Variants in PTPRC observed in about 807,000 individuals in gnomAD.
PTPRC encodes receptor-type tyrosine-protein phosphatase C.
PTPRC carries 44 observed loss-of-function variants against 155.9 expected under a neutral mutation model. That is an observed-to-expected ratio of 0.28 (90% CI 0.22 to 0.36). The LOEUF (loss-of-function observed/expected upper bound fraction) is 0.36, where lower values mean the gene tolerates loss of function less well. PTPRC is among the 10% of genes least tolerant of loss of function. The pLI, the probability that PTPRC is intolerant of heterozygous loss-of-function variation, is 1.00. For synonymous variants in PTPRC, 525 were observed against 533.1 expected (o/e 0.98, Z 0.21); for missense variants, 1,401 against 1,564.6 (o/e 0.90, Z 1.76).
At chr1:198,709,969 T>A in intron 11 of PTPRC, 145 bp downstream of exon 11, 1 of 1,131,380 alleles carries the variant, frequency 8.8e-7, no homozygotes, top group Non-Finnish European at 1.2e-6. Context: ...GAAGCGCAAT[T>A]TATCTATTTT....
intron 15 of PTPRC, among the ~76,000 whole-genome samples, chr1:198,724,945 G>T (rs1301557266): frequency 6.6e-6 from 1 of 152,068 alleles, no homozygotes; most frequent in East Asian, 1.9e-4. Context: ...GGGATTACAG[G>T]CAGGCACCAC....
Position 198,756,480 on chromosome 1 carries a change from GA to G in PTPRC, c.*302del. ...GGTGTGTGTTTGTGTGAGAGACAGA[GA>G]AAGAGAGAGAATTCTTTCAAGTGAA... On this transcript the variant is annotated 3_prime_UTR_variant, in exon 33 of 33. Transcript: ENST00000442510. 2 of 256,036 alleles carry G rather than the reference GA, an allele frequency of 7.8e-6. No homozygotes were observed. The highest frequency in any genetic ancestry group is 7.5e-6 in the Non-Finnish European group (1 of 133,628). 15.9% of individuals were successfully genotyped at this position (256,036 alleles called of 1,614,324 possible).
At chr1:198,744,715 CAG>C (rs903947803) in intron 26 of PTPRC, among the ~76,000 whole-genome samples, 1 of 151,830 alleles carries the variant, frequency 6.6e-6, no homozygotes, top group African/African-American at 2.4e-5. Flanking sequence ...ACTATAATTT[CAG>C]AGAGTTTGCA....
At position 198,728,366 on chromosome 1, in the gene PTPRC, C is replaced by T. The variant is rs1253820923; in HGVS notation, c.1747C>T (p.Leu583=). The T allele has an allele frequency of 6.2e-7, 1 of 1,612,910 alleles. No individual in the cohort carries two copies. Among genetic ancestry groups the T allele is most frequent in the Non-Finnish European group, 8.5e-7 (1 of 1,179,482 alleles). ...TAATTCTAAGGCACTGATAGCATTT[C>T]TGGCATTTCTGATTATTGTGACATC... The part of the protein sequence containing the change: ...SYNSKALIAF[L]AFLIIVTSIA... The change falls in exon 16 of 33, where the codon CTG becomes TTG. Residue 583 remains leucine (L), a synonymous_variant. Coordinates refer to ENST00000442510, the MANE Select transcript of PTPRC (RefSeq NM_002838.5).
At chr1:198,665,741 A>G (rs1030341887) in intron 2 of PTPRC, among the ~76,000 whole-genome samples, 3 of 152,188 alleles carry the variant, frequency 2.0e-5, no homozygotes, top group Non-Finnish European at 2.9e-5. Flanking sequence ...AGTATGTTCA[A>G]TGTAGTACAT....
At chr1:198,656,693 A>T (rs542498349) in intron 2 of PTPRC, among the ~76,000 whole-genome samples, 2 of 146,264 alleles carry the variant, frequency 1.4e-5, no homozygotes, top group African/African-American at 2.6e-5. Flanking sequence ...AAGTTCCCTG[A>T]GGAAGTTTAC....
At chr1:198,739,217 C>CTT (rs1276128443) in intron 23 of PTPRC, among the ~76,000 whole-genome samples, 2 of 151,604 alleles carry the variant, frequency 1.3e-5, no homozygotes, top group Admixed American at 1.3e-4. Context: ...AGGAGTAAGT[C>CTT]TTTATTTATC....
intron 2 of PTPRC, among the ~76,000 whole-genome samples, chr1:198,659,469 T>G (rs1663811025): frequency 6.6e-6 from 1 of 152,074 alleles, no homozygotes; most frequent in South Asian, 2.1e-4. Context: ...GAGGACACGA[T>G]AGTTCGGACT....
At position 198,757,055 on chromosome 1, in the gene PTPRC, CAT is replaced by C. The variant is rs532105119; in HGVS notation, c.*877_*878del. 35 of 151,738 alleles carry C rather than the reference CAT, an allele frequency of 2.3e-4. No homozygotes were observed. The highest frequency in any genetic ancestry group is 7.7e-4 in the African/African-American group (32 of 41,442). 9.4% of individuals were successfully genotyped at this position (151,738 alleles called of 1,614,324 possible). A position where few individuals can be genotyped will look rare whatever the true frequency, so the allele number is the denominator to read the frequency against. On this transcript the variant is annotated 3_prime_UTR_variant, in exon 33 of 33. Coordinates refer to ENST00000442510, the MANE Select transcript of PTPRC (RefSeq NM_002838.5). The stretch of plus-strand genomic sequence containing the variant: ...TTGTATAAAAATAGAAGAATACAAA[CAT>C]ATTTGTTAAATATTTACATATGAAA...
chr1:198,677,487 C>T (rs1295927880), intron 2 of PTPRC, among the ~76,000 whole-genome samples: 2 of 151,246 alleles, frequency 1.3e-5, no homozygotes, highest in Non-Finnish European at 2.9e-5. Flanking sequence ...CTAAAAGACT[C>T]ATCATCTTCC....
At chr1:198,687,811 TA>T (rs1665715367) in intron 2 of PTPRC, among the ~76,000 whole-genome samples, 1 of 152,196 alleles carries the variant, frequency 6.6e-6, no homozygotes, top group South Asian at 2.1e-4. Context: ...CTCTAGTGCA[TA>T]CCTTATTTCC....
intron 15 of PTPRC, among the ~76,000 whole-genome samples, chr1:198,723,090 T>G (rs1225605507): frequency 2.0e-5 from 3 of 148,604 alleles, no homozygotes; most frequent in Non-Finnish European, 3.0e-5. Flanking sequence ...TTTCTATTTT[T>G]GGGTCTCCTT....
chr1:198,650,585 A>G (rs1348915697), intron 2 of PTPRC, among the ~76,000 whole-genome samples: 1 of 151,856 alleles, frequency 6.6e-6, no homozygotes, highest in African/African-American at 2.4e-5. Context: ...TTGGGCTGTT[A>G]TTGATGTCTG....
intron 2 of PTPRC, among the ~76,000 whole-genome samples, chr1:198,654,621 C>T (rs1663444273): frequency 6.6e-6 from 1 of 151,720 alleles, no homozygotes; most frequent in Non-Finnish European, 1.5e-5. Flanking sequence ...GCCCCTCCCT[C>T]CCCTTAAATA....
At chr1:198,655,173 T>C (rs888829248) in intron 2 of PTPRC, among the ~76,000 whole-genome samples, 2 of 151,952 alleles carry the variant, frequency 1.3e-5, no homozygotes, top group African/African-American at 4.8e-5. Flanking sequence ...GTTGCCGGTT[T>C]TTTTTAATTA....
intron 2 of PTPRC, among the ~76,000 whole-genome samples, chr1:198,650,024 A>G (rs1355697012): frequency 6.6e-6 from 1 of 151,794 alleles, no homozygotes; most frequent in Non-Finnish European, 1.5e-5. Flanking sequence ...TTGGCTGACA[A>G]GAATATGGGG....
chr1:198,668,887 A>G (rs1265021205), intron 2 of PTPRC, among the ~76,000 whole-genome samples: 2 of 152,192 alleles, frequency 1.3e-5, no homozygotes, highest in African/African-American at 2.4e-5. Flanking sequence ...TTTACCTGCC[A>G]TCTATCCATG....
chr1:198,689,749 C>T (rs768740410), intron 2 of PTPRC, among the ~76,000 whole-genome samples: 28 of 152,174 alleles, frequency 1.8e-4, no homozygotes, highest in Non-Finnish European at 3.4e-4. Flanking sequence ...TTCTTATACA[C>T]AAGACTCTTT....
intron 16 of PTPRC, 97 bp from the exon 17 acceptor site, chr1:198,729,040 C>G: frequency 7.2e-7 from 1 of 1,395,670 alleles, no homozygotes; most frequent in Non-Finnish European, 9.8e-7. Context: ...GACTTCCTTC[C>G]TTTGTTCCTT....
Sources: allele counts gnomAD v4.1 joint callset (sites outside exome capture counted in the v4.1 genomes callset), GRCh38; gene constraint gnomAD v4.1.1; transcripts MANE v1.5; gene names NCBI Gene and HGNC (gene_info 2026-07-23, HGNC 2026-07-21).